The following GPX1 variants were observed in gnomAD, a reference collection of about 807,000 sequenced individuals.
GPX1 encodes the protein glutathione peroxidase 1, also known as GSHPx-1.
A neutral mutation model predicts 11.5 loss-of-function variants in GPX1; 8 were observed. The ratio of observed to expected loss-of-function variants is 0.70; its 90% confidence interval spans 0.41 to 1.25. GPX1 has a LOEUF of 1.25. Ranked by LOEUF, GPX1 falls within the 50% of genes most tolerant of loss-of-function variation. GPX1 has a pLI of 0.01. For synonymous variants in GPX1, 142 were observed against 127.8 expected (o/e 1.11, Z -0.75); for missense variants, 266 against 284.3 (o/e 0.94, Z 0.46).
In GPX1 at chr3:49,358,269, C is replaced by G; in HGVS notation, c.10G>C (p.Ala4Pro). MCA[A>P]RLAAAAAAAQ... ...GCCGCCGCCGCCGCCGCTAGCCGAG[C>G]AGCACACATGGCGCAATTGTCCAAG... Residue 4 changes from alanine to proline, a missense_variant, in exon 1 of 2, where the codon GCT becomes CCT. Coordinates refer to ENST00000419783, the MANE Select transcript of GPX1 (RefSeq NM_000581.4). 6.5e-7 allele frequency: 1 copy of G among 1,540,768 alleles called. No homozygotes were observed. Among genetic ancestry groups the G allele is most frequent in the Non-Finnish European group, 8.8e-7 (1 of 1,142,372 alleles).
intron 1 of GPX1, 134 bp downstream of exon 1, chr3:49,357,893 G>C: frequency 6.6e-7 from 1 of 1,511,218 alleles, no homozygotes; most frequent in Non-Finnish European, 8.8e-7. Context: ...CAGCAGCTAC[G>C]AGCAACAGAA....
Position 49,358,258 on chromosome 3 carries a change from C to T in GPX1, c.21G>A (p.Ala7=), listed in dbSNP as rs1372045894. 1.3e-6 allele frequency: 2 copies of T among 1,537,562 alleles called. No homozygotes were observed. Among genetic ancestry groups the T allele is most frequent in the East Asian group, 2.5e-5 (1 of 40,646 alleles). The change falls in exon 1 of 2, where the codon GCG becomes GCA. Residue 7 remains alanine (A), a synonymous_variant. Transcript: ENST00000419783. Reference sequence around the variant, plus strand: ...CCGACTGGGCCGCCGCCGCCGCCGCCGCTAGCCGAGCAGCACACATGGCGC... The same window carrying T: ...CCGACTGGGCCGCCGCCGCCGCCGCTGCTAGCCGAGCAGCACACATGGCGC... MCAARL[A]AAAAAAQSVY...
chr3:49,357,968 G>C, intron 1 of GPX1, 59 bp downstream of exon 1: 1 of 1,541,388 alleles, frequency 6.5e-7, no homozygotes, highest in Non-Finnish European at 8.7e-7. Flanking sequence ...GCACACCGCC[G>C]GCGCCCCCAG....
Position 49,357,268 on chromosome 3 carries a change from T to A in GPX1, c.*120A>T. The A allele has an allele frequency of 2.0e-6, 2 of 976,542 alleles. No individual in the cohort carries two copies. Among genetic ancestry groups the A allele is most frequent in the Non-Finnish European group, 3.0e-6 (2 of 657,466 alleles). The allele number at this position is 976,542 out of a possible 1,614,324, so 60.5% of individuals were successfully genotyped here. A position where few individuals can be genotyped will look rare whatever the true frequency, so the allele number is the denominator to read the frequency against. On this transcript the variant is annotated 3_prime_UTR_variant, in exon 2 of 2. Coordinates refer to ENST00000419783, the MANE Select transcript of GPX1 (RefSeq NM_000581.4). ...AGGACCAGCACCCATCTCGAGGTGG[T>A]ATTTTCTGTAAGATCAGGTGTTCCT...
At chr3:49,357,911 G>A (rs942511050) in intron 1 of GPX1, 116 bp downstream of exon 1, 3 of 1,501,372 alleles carry the variant, frequency 2.0e-6, no homozygotes, top group East Asian at 2.3e-5. Flanking sequence ...GAAAGGAAAC[G>A]AGAGAGTAGC....
At position 49,357,860 on chromosome 3, in the gene GPX1, AT is replaced by A. The variant is rs1366004417; in HGVS notation, c.253-114del. The A allele has an allele frequency of 3.9e-5, 60 of 1,524,808 alleles. 1 individual carries two copies. In the East Asian group the frequency reaches 1.3e-3, roughly 34 times the overall value. 94.5% of individuals were successfully genotyped at this position (1,524,808 alleles called of 1,614,324 possible). A position where few individuals can be genotyped will look rare whatever the true frequency, so the allele number is the denominator to read the frequency against. On this transcript the variant is annotated intron_variant, in intron 1 of 1. Transcript: ENST00000419783. The stretch of plus-strand genomic sequence containing the variant: ...ACCGGGATTTTGCCCTCCATGCGCA[AT>A]CCCAAGGGCGGAGAGGAATTTCAGC...
At position 49,358,184 on chromosome 3, in the gene GPX1, A is replaced by G; in HGVS notation, c.95T>C (p.Leu32Pro). Reference protein sequence around the residue: ...RPLAGGEPVSLGSLRGKVLLI... With the variant: ...RPLAGGEPVSPGSLRGKVLLI... ...TAGTACCTTGCCCCGCAGGGAGCCC[A>G]GGCTCACAGGCTCCCCGCCGGCCAG... Residue 32 changes from leucine (L) to proline (P), a missense_variant, in exon 1 of 2, where the codon CTG (leucine) becomes CCG (proline). Transcript: ENST00000419783. The G allele has an allele frequency of 1.3e-6, 2 of 1,571,352 alleles. No homozygotes were observed. Among genetic ancestry groups the G allele is most frequent in the Non-Finnish European group, 8.6e-7 (1 of 1,158,504 alleles).
Position 49,357,664 on chromosome 3 carries a change from G to A in GPX1, c.336C>T (p.Phe112=). The A allele has an allele frequency of 1.2e-6, 2 of 1,613,578 alleles. No homozygotes were observed. The highest frequency in any genetic ancestry group is 1.7e-6 in the Non-Finnish European group (2 of 1,179,914). The stretch of plus-strand genomic sequence containing the variant: ...CCGCACCGTTCACCTCGCACTTCTC[G>A]AAGAGCATGAAGTTGGGCTCGAACC... The part of the protein sequence containing the change: ...GGGFEPNFML[F]EKCEVNGAGA... Residue 112 remains phenylalanine (F), a synonymous_variant, in exon 2 of 2, where the codon TTC becomes TTT. Coordinates refer to ENST00000419783, the MANE Select transcript of GPX1 (RefSeq NM_000581.4).
In GPX1 at chr3:49,358,317, A is replaced by T. The variant is rs1352593966; in HGVS notation, c.-39T>A. The T allele has an allele frequency of 6.6e-7, 1 of 1,516,416 alleles. No homozygotes were observed. Among genetic ancestry groups the T allele is most frequent in the African/African-American group, 1.4e-5 (1 of 72,144 alleles). 93.9% of individuals were successfully genotyped at this position (1,516,416 alleles called of 1,614,324 possible). ...AAGAAGCCAGCGGAGCGCCCCGAAC[A>T]AGCACTGTAAGGGGAGGCCAGCAGG... On this transcript the variant is annotated 5_prime_UTR_variant, in exon 1 of 2. Coordinates refer to ENST00000419783, the MANE Select transcript of GPX1 (RefSeq NM_000581.4).
intron 1 of GPX1, 31 bp from the exon 2 acceptor site, chr3:49,357,778 G>T: frequency 6.3e-7 from 1 of 1,582,242 alleles, no homozygotes; most frequent in Non-Finnish European, 8.6e-7. Flanking sequence ...TAGAACCCGG[G>T]GTCAAGAGGA....
chr3:49,358,168 G>A lies in GPX1; in HGVS notation c.111C>T (p.Gly37=), dbSNP rs1377701956. 2 of 1,589,116 alleles carry A rather than the reference G, an allele frequency of 1.3e-6. No individual in the cohort carries two copies. The highest frequency in any genetic ancestry group is 1.1e-5 in the South Asian group (1 of 88,690). The part of the protein sequence containing the change: ...GEPVSLGSLR[G]KVLLIENVAS... ...CCACATTCTCGATAAGTAGTACCTTGCCCCGCAGGGAGCCCAGGCTCACAG... is the reference window on the plus strand; with the variant it reads ...CCACATTCTCGATAAGTAGTACCTTACCCCGCAGGGAGCCCAGGCTCACAG... Residue 37 remains glycine (G), a synonymous_variant, in exon 1 of 2, where the codon GGC becomes GGT. Coordinates refer to ENST00000419783, the MANE Select transcript of GPX1 (RefSeq NM_000581.4).
rs1380431258 is a variant in GPX1 at position 49,357,937 on chromosome 3, T to C, written c.252+90A>G. 2.8e-6 allele frequency: 4 copies of C among 1,438,752 alleles called. No individual in the cohort carries two copies. The African/African-American group carries it at 5.9e-5, about 21-fold the overall frequency. 89.1% of individuals were successfully genotyped at this position (1,438,752 alleles called of 1,614,324 possible). A position where few individuals can be genotyped will look rare whatever the true frequency, so the allele number is the denominator to read the frequency against. On this transcript the variant is annotated intron_variant, in intron 1 of 1. Coordinates refer to ENST00000419783, the MANE Select transcript of GPX1 (RefSeq NM_000581.4). ...AGAGAGTAGCCAGACTCTCCGCGCATGGAGCCGACGGCACCCACCAGCACA... is the reference window on the plus strand; with the variant it reads ...AGAGAGTAGCCAGACTCTCCGCGCACGGAGCCGACGGCACCCACCAGCACA...
rs373838463 is a variant in GPX1, at chr3:49,357,497, A to T, written c.503T>A (p.Leu168Gln). The T allele has an allele frequency of 8.8e-5, 142 of 1,613,600 alleles. No homozygotes were observed. In the Middle Eastern group the frequency reaches 1.0e-3, roughly 11 times the overall value. ...NDVAWNFEKF[L>Q]VGPDGVPLRR... ...TAGGGGCACACCGTCAGGGCCCACC[A>T]GGAACTTCTCAAAGTTCCAGGCAAC... The change falls in exon 2 of 2, where the codon CTG (leucine) becomes CAG (glutamine). Residue 168 changes from leucine (L) to glutamine (Q), a missense_variant. Transcript: ENST00000419783.
chr3:49,357,341 A>G lies in GPX1; in HGVS notation c.*47T>C. 6.4e-7 allele frequency: 1 copy of G among 1,563,438 alleles called. No homozygotes were observed. Among genetic ancestry groups the G allele is most frequent in the Non-Finnish European group, 8.7e-7 (1 of 1,146,390 alleles). Reference sequence around the variant, plus strand: ...ACCCTCATAGATGAAAACCCCCCCGAGACAGCAGCACTGCAACTGCCAAGC... The same window carrying G: ...ACCCTCATAGATGAAAACCCCCCCGGGACAGCAGCACTGCAACTGCCAAGC... On this transcript the variant is annotated 3_prime_UTR_variant, in exon 2 of 2. Coordinates refer to ENST00000419783, the MANE Select transcript of GPX1 (RefSeq NM_000581.4).
chr3:49,357,545 C>T lies in GPX1; in HGVS notation c.455G>A (p.Trp152Ter), dbSNP rs767674250. The T allele has an allele frequency of 2.5e-6, 4 of 1,613,524 alleles. No individual in the cohort carries two copies. The highest frequency in any genetic ancestry group is 8.5e-7 in the Non-Finnish European group (1 of 1,179,858). Residue 152 changes from tryptophan to a stop codon, truncating the protein, a stop_gained, in exon 2 of 2, where the codon TGG becomes TAG. Transcript: ENST00000419783. LOFTEE classifies it high-confidence loss of function. ...AACATCGTTGCGACACACCGGAGAC[C>T]AGGTGATGAGCTTGGGGTCGGTCAT... ...ALMTDPKLITWSPVCRNDVAW... is the reference protein window; with the variant it reads ...ALMTDPKLIT
chr3:49,357,766 G>T lies in GPX1; in HGVS notation c.253-19C>A. ...CGTTCTCCTACAGGAGAGAAGGGCA[G>T]CTAGAACCCGGGGTCAAGAGGAGGA... On this transcript the variant is annotated intron_variant, in intron 1 of 1. Coordinates refer to ENST00000419783, the MANE Select transcript of GPX1 (RefSeq NM_000581.4). The T allele has an allele frequency of 6.3e-7, 1 of 1,589,362 alleles. No homozygotes were observed. Among genetic ancestry groups the T allele is most frequent in the South Asian group, 1.1e-5 (1 of 90,066 alleles).
chr3:49,357,976 C>A (rs887146798), intron 1 of GPX1, 51 bp downstream of exon 1: 2 of 1,558,284 alleles, frequency 1.3e-6, no homozygotes, highest in Non-Finnish European at 1.7e-6. Flanking sequence ...CCGGCGCCCC[C>A]AGCCACTACT....
chr3:49,358,165 C>T lies in GPX1; in HGVS notation c.114G>A (p.Lys38=). 1 of 1,593,038 alleles carries T rather than the reference C, an allele frequency of 6.3e-7. No homozygotes were observed. Among genetic ancestry groups the T allele is most frequent in the African/African-American group, 1.3e-5 (1 of 74,756 alleles). Residue 38 remains lysine (K), a synonymous_variant, in exon 1 of 2, where the codon AAG becomes AAA. Coordinates refer to ENST00000419783, the MANE Select transcript of GPX1 (RefSeq NM_000581.4). ...EPVSLGSLRG[K]VLLIENVASL... is the part of the protein sequence containing the mutation. ...ACGCCACATTCTCGATAAGTAGTAC[C>T]TTGCCCCGCAGGGAGCCCAGGCTCA...
chr3:49,358,280 G>C lies in GPX1; in HGVS notation c.-2C>G, dbSNP rs1196455627. 13 of 1,537,108 alleles carry C rather than the reference G, an allele frequency of 8.5e-6. No individual in the cohort carries two copies. In the African/African-American group the frequency reaches 9.6e-5, roughly 11 times the overall value. ...CGCCGCTAGCCGAGCAGCACACATG[G>C]CGCAATTGTCCAAGAAGCCAGCGGA... is the stretch of plus-strand genomic sequence containing the variant. On this transcript the variant is annotated 5_prime_UTR_variant, in exon 1 of 2. Transcript: ENST00000419783.
Sources: gnomAD v4.1 joint callset for allele counts on GRCh38, gnomAD v4.1.1 for gene constraint, MANE v1.5 for transcripts, NCBI Gene and HGNC (gene_info 2026-07-23, HGNC 2026-07-21) for gene names.